Variants in MECOM observed in about 807,000 individuals in gnomAD.
MECOM encodes MDS1 and EVI1 complex locus.
MECOM carries 13 observed loss-of-function variants against 116.3 expected under a neutral mutation model. The ratio of observed to expected loss-of-function variants is 0.11; its 90% CI spans 0.07 to 0.18. MECOM has a LOEUF of 0.18. MECOM is among the 10% of genes least tolerant of loss of function. MECOM has a pLI of 1.00. For synonymous variants in MECOM, 528 were observed against 535.2 expected, an observed-to-expected ratio of 0.99 and a Z score of 0.19; for missense variants, 1,299 against 1,509.0, an observed-to-expected ratio of 0.86 and a Z score of 2.31.
intron 1 of MECOM, among the ~76,000 whole-genome samples, chr3:169,538,812 A>G (rs188632301): frequency 1.9e-3 from 284 of 152,268 alleles, no homozygotes; most frequent in African/African-American, 6.7e-3. Context: ...GCTTGAAACT[A>G]TATTCTCTTG....
At chr3:169,560,921 G>T (rs1762563702) in intron 1 of MECOM, among the ~76,000 whole-genome samples, 2 of 151,602 alleles carry the variant, frequency 1.3e-5, no homozygotes. Flanking sequence ...ACTAAAAAGA[G>T]GTTTCTACAA....
At chr3:169,248,035 G>A (rs1050845056) in intron 2 of MECOM, among the ~76,000 whole-genome samples, 10 of 152,216 alleles carry the variant, frequency 6.6e-5, no homozygotes, top group Admixed American at 3.3e-4. Context: ...TAGATAGGTT[G>A]TGAAGATTAA....
chr3:169,556,390 C>T (rs1160541421), intron 1 of MECOM, among the ~76,000 whole-genome samples: 4 of 152,114 alleles, frequency 2.6e-5, no homozygotes, highest in South Asian at 2.1e-4. Context: ...ACTTGAATGA[C>T]TTTGTTGAAG....
intron 1 of MECOM, among the ~76,000 whole-genome samples, chr3:169,654,793 T>A (rs1775329078): frequency 6.8e-6 from 1 of 147,818 alleles, no homozygotes; most frequent in African/African-American, 2.5e-5. Flanking sequence ...GATTCTGTAA[T>A]AAGTACTTCC....
intron 1 of MECOM, among the ~76,000 whole-genome samples, chr3:169,543,555 C>G (rs1232258886): frequency 6.6e-6 from 1 of 152,136 alleles, no homozygotes; most frequent in African/African-American, 2.4e-5. Flanking sequence ...CTCTGGGTGA[C>G]AGAGCAAGAC....
chr3:169,471,241 C>A (rs983874372), intron 1 of MECOM, among the ~76,000 whole-genome samples: 1 of 152,124 alleles, frequency 6.6e-6, no homozygotes, highest in Admixed American at 6.6e-5. Flanking sequence ...ATACACTGGC[C>A]TCGGCTTCCC....
At chr3:169,310,433 C>A (rs994097730) in intron 2 of MECOM, among the ~76,000 whole-genome samples, 2 of 152,170 alleles carry the variant, frequency 1.3e-5, no homozygotes, top group Non-Finnish European at 2.9e-5. Flanking sequence ...AGTTTTATAG[C>A]AAATTGTGTC....
Position 169,239,797 on chromosome 3 carries a change from T to A in MECOM, c.376-95965A>T, listed in dbSNP as rs1249045605. ...GTAACAGAAACAGTTGTAGATGCTGTAAAAAGCAATATGGAAACTTTGAGG... is the reference window on the plus strand; with the variant it reads ...GTAACAGAAACAGTTGTAGATGCTGAAAAAAGCAATATGGAAACTTTGAGG... On this transcript the variant is annotated intron_variant, in intron 2 of 16. Coordinates refer to ENST00000651503, the MANE Select transcript of MECOM (RefSeq NM_004991.4). 3.3e-5 allele frequency among the ~76,000 whole-genome samples: 5 copies of A among 152,178 alleles called. No homozygotes were observed. In the East Asian group the frequency reaches 9.6e-4, roughly 29 times the overall value.
chr3:169,426,564 A>C (rs1397711616), intron 1 of MECOM, among the ~76,000 whole-genome samples: 1 of 152,176 alleles, frequency 6.6e-6, no homozygotes, highest in African/African-American at 2.4e-5. Context: ...TCAACCTGAA[A>C]AGTGTTTTTC....
chr3:169,273,751 TA>T (rs1560074860), intron 2 of MECOM, among the ~76,000 whole-genome samples: 1 of 151,990 alleles, frequency 6.6e-6, no homozygotes, highest in African/African-American at 2.4e-5. Context: ...AAAGGCCCCA[TA>T]GGGCAGCAAG....
At chr3:169,088,294 A>T (rs767724234) in intron 16 of MECOM, among the ~76,000 whole-genome samples, 24 of 152,292 alleles carry the variant, frequency 1.6e-4, no homozygotes, top group Middle Eastern at 3.4e-3. Context: ...GACTTCCTTT[A>T]TTTTGTAACA....
At chr3:169,649,409 C>CAAAAAAAAAAAAAAAAA (rs71634436) in intron 1 of MECOM, among the ~76,000 whole-genome samples, 1 of 74,452 alleles carries the variant, frequency 1.3e-5, no homozygotes, top group Non-Finnish European at 2.4e-5. Flanking sequence ...AACTCCATCT[C>CAAAAAAAAAAAAAAAAA]AAAAAAAAAA....
intron 1 of MECOM, among the ~76,000 whole-genome samples, chr3:169,535,305 C>T (rs2109181067): frequency 6.6e-6 from 1 of 152,262 alleles, no homozygotes; most frequent in East Asian, 1.9e-4. Context: ...ATCCCATTGG[C>T]CCCAAGAGTC....
chr3:169,460,354 G>A (rs1747235327), intron 1 of MECOM, among the ~76,000 whole-genome samples: 1 of 151,762 alleles, frequency 6.6e-6, no homozygotes, highest in East Asian at 1.9e-4. Flanking sequence ...TTGGATTGCT[G>A]CCTAACTTAC....
rs145614539 is a variant in MECOM at position 169,094,210 on chromosome 3, A to T, written c.3019+866T>A. ...TATAGGGGAAGAAAGATTAATAATT[A>T]AAAAATTCCATAAATAAAGATTGCT... is the stretch of plus-strand genomic sequence containing the variant. On this transcript the variant is annotated intron_variant, in intron 13 of 16. Transcript: ENST00000651503. Among the ~76,000 whole-genome samples, 37 of 152,286 alleles carry T rather than the reference A, an allele frequency of 2.4e-4. No individual in the cohort carries two copies. In the East Asian group the frequency reaches 3.3e-3, roughly 14 times the overall value.
At position 169,389,431 on chromosome 3, in the gene MECOM, A is replaced by C. The variant is rs549450943; in HGVS notation, c.38-7907T>G. 6 of 360,088 alleles carry C rather than the reference A, an allele frequency of 1.7e-5. No homozygotes were observed. The South Asian group carries it at 6.7e-4, about 40-fold the overall frequency. The allele number at this position is 360,088 out of a possible 1,614,324, so 22.3% of individuals were successfully genotyped here. A position where few individuals can be genotyped will look rare whatever the true frequency, so the allele number is the denominator to read the frequency against. On this transcript the variant is annotated intron_variant, in intron 1 of 16. Transcript: ENST00000651503. ...TAAGGAGCCACCGTCACCAATATCC[A>C]CTGGAATGACCAGGTAAGAACAGAC...
intron 2 of MECOM, among the ~76,000 whole-genome samples, chr3:169,275,360 A>T (rs1442618810): frequency 6.6e-6 from 1 of 152,196 alleles, no homozygotes; most frequent in Non-Finnish European, 1.5e-5. Context: ...ATAGGGTTAG[A>T]TATTTATACA....
intron 2 of MECOM, among the ~76,000 whole-genome samples, chr3:169,282,071 C>T (rs903491698): frequency 4.6e-5 from 7 of 152,128 alleles, no homozygotes; most frequent in African/African-American, 1.7e-4. Flanking sequence ...ACCTAAGGAA[C>T]TTACCATTAC....
At chr3:169,282,085 A>T (rs1712181836) in intron 2 of MECOM, among the ~76,000 whole-genome samples, 1 of 152,082 alleles carries the variant, frequency 6.6e-6, no homozygotes, top group African/African-American at 2.4e-5. Context: ...CCATTACCAT[A>T]TTTTTTTCTT....
Sources: gnomAD v4.1 joint callset for allele counts (sites outside exome capture counted in the v4.1 genomes callset) on GRCh38, gnomAD v4.1.1 for gene constraint, MANE v1.5 for transcripts, NCBI Gene and HGNC (gene_info 2026-07-23, HGNC 2026-07-21) for gene names.